RGS7BP: variants seen among roughly 807,000 people sequenced by gnomAD.
The protein encoded by RGS7BP is regulator of G protein signaling 7 binding protein.
Under a neutral mutation model 31.3 loss-of-function variants are expected in RGS7BP, and 9 were observed. The observed-to-expected ratio is 0.29, with a 90% confidence interval of 0.17 to 0.50. The LOEUF is 0.50. Ranked by LOEUF, RGS7BP falls within the 20% of genes least tolerant of loss-of-function variation. The pLI is 0.98. For synonymous variants in RGS7BP, 115 were observed against 120.1 expected (o/e 0.96, Z 0.28); for missense variants, 274 against 322.0 (o/e 0.85, Z 1.14).
At chr5:64,513,628 G>A (rs183920219) in intron 2 of RGS7BP, among the ~76,000 whole-genome samples, 4 of 152,334 alleles carry the variant, frequency 2.6e-5, no homozygotes, top group Non-Finnish European at 5.9e-5. Context: ...AGAAGAGCTC[G>A]GTGACCATGG....
At position 64,601,528 on chromosome 5, in the gene RGS7BP, C is replaced by T. The variant is rs537262990; in HGVS notation, c.682+3093C>T. 1.8e-5 allele frequency: 13 copies of T among 708,048 alleles called. No individual in the cohort carries two copies. In the Admixed American group the frequency reaches 2.5e-4, roughly 14 times the overall value. The allele number at this position is 708,048 out of a possible 1,614,324, so 43.9% of individuals were successfully genotyped here. ...CCTTCATTTTCAGCCTTTTCTTTCCCGTCCATCCAGTTTAAGACTGGAGGC... is the reference window on the plus strand; with the variant it reads ...CCTTCATTTTCAGCCTTTTCTTTCCTGTCCATCCAGTTTAAGACTGGAGGC... On this transcript the variant is annotated intron_variant, in intron 5 of 5. Coordinates refer to ENST00000334025, the MANE Select transcript of RGS7BP (RefSeq NM_001029875.3).
intron 2 of RGS7BP, among the ~76,000 whole-genome samples, chr5:64,544,926 CA>C (rs771053777): frequency 6.6e-6 from 1 of 152,166 alleles, no homozygotes; most frequent in African/African-American, 2.4e-5. Flanking sequence ...CCTGTAATCC[CA>C]GCACTTTGGG....
intron 5 of RGS7BP, among the ~76,000 whole-genome samples, chr5:64,608,575 G>A (rs906549526): frequency 3.3e-5 from 5 of 151,976 alleles, no homozygotes; most frequent in East Asian, 1.9e-4. Flanking sequence ...TTAACTAAAC[G>A]CTTCCTCTAT....
intron 2 of RGS7BP, among the ~76,000 whole-genome samples, chr5:64,572,299 G>C (rs1024915998): frequency 6.6e-6 from 1 of 151,996 alleles, no homozygotes; most frequent in Non-Finnish European, 1.5e-5. Context: ...TGAAAATAAC[G>C]CAAATGCTCT....
intron 2 of RGS7BP, among the ~76,000 whole-genome samples, chr5:64,552,048 T>C (rs980690937): frequency 2.0e-5 from 3 of 152,158 alleles, no homozygotes; most frequent in Admixed American, 6.5e-5. Context: ...TTTATCAAAA[T>C]TTTTGAAAAA....
At chr5:64,528,609 C>G (rs1201246468) in intron 2 of RGS7BP, among the ~76,000 whole-genome samples, 2 of 151,732 alleles carry the variant, frequency 1.3e-5, no homozygotes, top group Admixed American at 6.6e-5. Flanking sequence ...GTCAGGTGTT[C>G]GAGACCAGCC....
intron 2 of RGS7BP, among the ~76,000 whole-genome samples, chr5:64,550,736 C>A (rs1741774317): frequency 7.0e-6 from 1 of 142,750 alleles, no homozygotes; most frequent in Non-Finnish European, 1.5e-5. Context: ...CCCCCTCCCC[C>A]AACCCTGCAA....
intron 2 of RGS7BP, among the ~76,000 whole-genome samples, chr5:64,543,315 T>C (rs185837078): frequency 8.9e-4 from 135 of 152,366 alleles, no homozygotes; most frequent in African/African-American, 3.1e-3. Context: ...TTCTTTTAGT[T>C]GCAAGTGACA....
At chr5:64,573,243 T>C (rs1019815226) in intron 2 of RGS7BP, among the ~76,000 whole-genome samples, 2 of 152,016 alleles carry the variant, frequency 1.3e-5, no homozygotes, top group African/African-American at 4.8e-5. Context: ...GTTGGTTCCA[T>C]GACTTGCCTT....
At chr5:64,539,426 C>G (rs1741465381) in intron 2 of RGS7BP, 1 of 152,132 alleles carries the variant, frequency 6.6e-6, no homozygotes, top group Non-Finnish European at 1.5e-5. Flanking sequence ...CTTCTGGTGT[C>G]TTATTTAAGA....
intron 2 of RGS7BP, among the ~76,000 whole-genome samples, chr5:64,574,091 G>A (rs1381139572): frequency 6.6e-6 from 1 of 152,068 alleles, no homozygotes; most frequent in East Asian, 1.9e-4. Flanking sequence ...TTTAGATTAA[G>A]ACATTATCTT....
chr5:64,565,979 A>G (rs954430585), intron 2 of RGS7BP, among the ~76,000 whole-genome samples: 1 of 152,138 alleles, frequency 6.6e-6, no homozygotes, highest in Non-Finnish European at 1.5e-5. Context: ...CCAGGATCCA[A>G]TTAGATATAA....
chr5:64,549,603 G>A (rs558778461), intron 2 of RGS7BP, among the ~76,000 whole-genome samples: 2 of 152,294 alleles, frequency 1.3e-5, no homozygotes, highest in South Asian at 2.1e-4. Context: ...ATTCCCTCCT[G>A]TCAAGTCTGA....
intron 5 of RGS7BP, among the ~76,000 whole-genome samples, chr5:64,606,083 A>G (rs899855748): frequency 1.3e-5 from 2 of 150,394 alleles, no homozygotes; most frequent in Non-Finnish European, 3.0e-5. Context: ...AAGAATTTCA[A>G]TAGCTCAAAA....
intron 3 of RGS7BP, among the ~76,000 whole-genome samples, chr5:64,582,663 G>C (rs1417653866): frequency 6.6e-6 from 1 of 152,200 alleles, no homozygotes; most frequent in East Asian, 1.9e-4. Context: ...GGAAAGAATA[G>C]AGAAATGTTA....
chr5:64,572,285 G>C (rs1742317902), intron 2 of RGS7BP, among the ~76,000 whole-genome samples: 2 of 152,040 alleles, frequency 1.3e-5, no homozygotes, highest in South Asian at 4.1e-4. Flanking sequence ...TTACTCATTT[G>C]TTATGAAAAT....
At chr5:64,512,236 T>C (rs1748856821) in intron 2 of RGS7BP, among the ~76,000 whole-genome samples, 1 of 152,200 alleles carries the variant, frequency 6.6e-6, no homozygotes. Context: ...AAAGATTTAC[T>C]CCAGATCTTA....
At chr5:64,538,499 TC>T (rs1741433717) in intron 2 of RGS7BP, among the ~76,000 whole-genome samples, 1 of 142,788 alleles carries the variant, frequency 7.0e-6, no homozygotes, top group Non-Finnish European at 1.5e-5. Flanking sequence ...TTTTTCCTTT[TC>T]TTTTCTTTTT....
chr5:64,579,210 A>G (rs1742517500), intron 3 of RGS7BP, among the ~76,000 whole-genome samples: 1 of 152,114 alleles, frequency 6.6e-6, no homozygotes, highest in Non-Finnish European at 1.5e-5. Flanking sequence ...GAAATTCTCA[A>G]TTAAGTTAGG....
Sources: allele counts gnomAD v4.1 joint callset (sites outside exome capture counted in the v4.1 genomes callset), GRCh38; gene constraint gnomAD v4.1.1; transcripts MANE v1.5; gene names NCBI Gene and HGNC (gene_info 2026-07-23, HGNC 2026-07-21).